OR51B5: variants seen among roughly 807,000 people sequenced by gnomAD.
OR51B5 encodes olfactory receptor 51B5.
For synonymous variants in OR51B5, 186 were observed against 144.8 expected, an observed-to-expected ratio of 1.28 and a Z score of -2.04; for missense variants, 456 against 374.6, an observed-to-expected ratio of 1.22 and a Z score of -1.79.
chr11:5,395,320 C>T (rs918830521), intron 1 of OR51B5, among the ~76,000 whole-genome samples: 1 of 152,114 alleles, frequency 6.6e-6, no homozygotes, highest in African/African-American at 2.4e-5. Flanking sequence ...GAGAAAGAAG[C>T]TACAGAGAAG....
chr11:5,418,355 T>G (rs1850273313), intron 1 of OR51B5, among the ~76,000 whole-genome samples: 1 of 152,022 alleles, frequency 6.6e-6, no homozygotes, highest in African/African-American at 2.4e-5. Flanking sequence ...TGTATACATA[T>G]GTAACTAACC....
At chr11:5,469,561 G>T (rs1851194381) in intron 1 of OR51B5, 1 of 118,030 alleles carries the variant, frequency 8.5e-6, no homozygotes, top group Non-Finnish European at 2.0e-5. Context: ...CAAAGATTTG[G>T]AAAGTTCAAA....
At chr11:5,397,812 C>A (rs1209700591) in intron 1 of OR51B5, among the ~76,000 whole-genome samples, 1 of 151,060 alleles carries the variant, frequency 6.6e-6, no homozygotes, top group Non-Finnish European at 1.5e-5. Flanking sequence ...AAATGTCCAA[C>A]AATGATAGAC....
At chr11:5,415,082 A>C (rs1850219215) in intron 1 of OR51B5, among the ~76,000 whole-genome samples, 1 of 152,202 alleles carries the variant, frequency 6.6e-6, no homozygotes, top group African/African-American at 2.4e-5. Context: ...TATCTCTCAG[A>C]CCACAGTGCA....
intron 1 of OR51B5, among the ~76,000 whole-genome samples, chr11:5,494,201 A>G (rs1453501410): frequency 1.3e-5 from 2 of 152,224 alleles, no homozygotes; most frequent in African/African-American, 4.8e-5. Context: ...CAAATGCATT[A>G]ATGTGTGGCA....
chr11:5,409,315 G>A (rs545892608), intron 1 of OR51B5, among the ~76,000 whole-genome samples: 1 of 152,094 alleles, frequency 6.6e-6, no homozygotes, highest in African/African-American at 2.4e-5. Flanking sequence ...AAAGGATGAG[G>A]ATATGGGCTT....
intron 1 of OR51B5, among the ~76,000 whole-genome samples, chr11:5,435,184 C>T (rs1850576030): frequency 6.6e-6 from 1 of 152,200 alleles, no homozygotes; most frequent in Non-Finnish European, 1.5e-5. Context: ...ACAATTGTCA[C>T]CCATGCTCAG....
At chr11:5,389,731 C>A in intron 1 of OR51B5, 1 of 1,613,934 alleles carries the variant, frequency 6.2e-7, no homozygotes, top group Non-Finnish European at 8.5e-7. Context: ...CGTGTCAAAT[C>A]CAGATGTTCT....
chr11:5,389,427 A>C, intron 1 of OR51B5: 1 of 1,613,950 alleles, frequency 6.2e-7, no homozygotes, highest in South Asian at 1.1e-5. Flanking sequence ...CTCAGTCCTC[A>C]ATTCATGCTG....
chr11:5,450,723 A>T (rs908526915), intron 1 of OR51B5, among the ~76,000 whole-genome samples: 1 of 152,152 alleles, frequency 6.6e-6, no homozygotes, highest in Admixed American at 6.5e-5. Context: ...TTTCCTTTTA[A>T]ACTTACTCTC....
rs184624458 is a variant in OR51B5 at position 5,435,491 on chromosome 11, T to C, written n.84+70078A>G. ...CATAAATTCTAAGAAGAATGGATGA[T>C]ATTGACTGTTTTTGTTTGTCTGTTA... On this transcript the variant is annotated intron_variant and non_coding_transcript_variant, in intron 1 of 4. Coordinates refer to the OR51B5 transcript ENST00000415970. Among the ~76,000 whole-genome samples the C allele has an allele frequency of 1.1e-4, 11 of 104,476 alleles. No homozygotes were observed. In the East Asian group the frequency reaches 2.3e-3, roughly 22 times the overall value. 68.5% of individuals were successfully genotyped at this position (104,476 alleles called of 152,430 possible).
At chr11:5,419,023 A>G (rs1367439838) in intron 1 of OR51B5, among the ~76,000 whole-genome samples, 2 of 152,180 alleles carry the variant, frequency 1.3e-5, no homozygotes, top group Non-Finnish European at 2.9e-5. Flanking sequence ...ATGTGCAGGT[A>G]TATGAATTCT....
chr11:5,449,843 T>C (rs969426079), intron 1 of OR51B5, among the ~76,000 whole-genome samples: 1 of 152,142 alleles, frequency 6.6e-6, no homozygotes, highest in Non-Finnish European at 1.5e-5. Flanking sequence ...CTCCAGGATA[T>C]TAAAAGGAGA....
At chr11:5,346,656 G>T (rs10837871), upstream of OR51B5, among the ~76,000 whole-genome samples, 1 of 151,992 alleles carries the variant, frequency 6.6e-6, no homozygotes, top group Non-Finnish European at 1.5e-5. Flanking sequence ...GGTAGCACTT[G>T]GAATTGCTTT....
At chr11:5,441,474 AGT>A in intron 1 of OR51B5, 2 of 1,613,242 alleles carry the variant, frequency 1.2e-6, no homozygotes, top group Non-Finnish European at 1.7e-6. Flanking sequence ...TGTCAGCTGG[AGT>A]GTTGCTGGCT....
At chr11:5,374,060 A>T (rs1160655766) in intron 1 of OR51B5, among the ~76,000 whole-genome samples, 2 of 152,186 alleles carry the variant, frequency 1.3e-5, no homozygotes, top group Non-Finnish European at 2.9e-5. Context: ...ACCCCCGAGC[A>T]GCCTAACTGG....
intron 1 of OR51B5, among the ~76,000 whole-genome samples, chr11:5,458,019 C>T (rs1850986772): frequency 6.6e-6 from 1 of 152,086 alleles, no homozygotes; most frequent in Non-Finnish European, 1.5e-5. Context: ...TTGGAGATTT[C>T]ATCATGAAAT....
intron 1 of OR51B5, among the ~76,000 whole-genome samples, chr11:5,364,027 C>A (rs145502300): frequency 6.6e-6 from 1 of 152,274 alleles, no homozygotes; most frequent in East Asian, 1.9e-4. Flanking sequence ...TAGATTCACC[C>A]ACATATTATG....
intron 1 of OR51B5, among the ~76,000 whole-genome samples, chr11:5,397,907 T>G (rs1849903588): frequency 6.7e-6 from 1 of 149,176 alleles, no homozygotes; most frequent in Non-Finnish European, 1.5e-5. Flanking sequence ...TGTAGGGACA[T>G]GGATGAAGCT....
Sources: gnomAD v4.1 joint callset for allele counts (sites outside exome capture counted in the v4.1 genomes callset) on GRCh38, gnomAD v4.1.1 for gene constraint, MANE v1.5 for transcripts, NCBI Gene and HGNC (gene_info 2026-07-23, HGNC 2026-07-21) for gene names.